SVEP1: variants seen among roughly 807,000 people sequenced by gnomAD.
SVEP1 encodes the protein sushi, von Willebrand factor type A, EGF and pentraxin domain containing 1.
A neutral mutation model predicts 367.3 loss-of-function variants in SVEP1; 164 were observed. That is an observed-to-expected ratio of 0.45 (90% CI 0.39 to 0.51). The LOEUF (loss-of-function observed/expected upper bound fraction) is 0.51, where lower values mean the gene tolerates loss of function less well. Among genes scored for constraint, SVEP1 ranks in the 20% least tolerant of loss-of-function variants. SVEP1 has a pLI of 0.00. For missense variants in SVEP1, 4,117 were observed against 4,425.3 expected (o/e 0.93, Z 1.98); for synonymous variants, 1,666 against 1,611.6 (o/e 1.03, Z -0.81).
chr9:110,387,507 T>C lies in SVEP1; in HGVS notation c.9887-49A>G, dbSNP rs138268746. 718 of 1,490,154 alleles carry C rather than the reference T, an allele frequency of 4.8e-4. 3 individuals are homozygous for C. In the African/African-American group the frequency reaches 8.4e-3, roughly 18 times the overall value. The allele number at this position is 1,490,154 out of a possible 1,614,324, so 92.3% of individuals were successfully genotyped here. ...ATATTAATTGCTTCCCCAATTCCTC[T>C]TTCCTTCTTTTCCTATGATTGCCAA... On this transcript the variant is annotated intron_variant, in intron 41 of 47. Transcript: ENST00000374469.
intron 27 of SVEP1, among the ~76,000 whole-genome samples, chr9:110,439,989 A>C (rs955445356): frequency 6.6e-6 from 1 of 152,204 alleles, no homozygotes; most frequent in Non-Finnish European, 1.5e-5. Flanking sequence ...TACGTTCATT[A>C]TGAAAATAAC....
At chr9:110,474,090 T>G (rs1369498730) in intron 14 of SVEP1, among the ~76,000 whole-genome samples, 1 of 152,106 alleles carries the variant, frequency 6.6e-6, no homozygotes, top group Admixed American at 6.6e-5. Flanking sequence ...CACTTCCCCC[T>G]CCCGGGTTCA....
intron 40 of SVEP1, among the ~76,000 whole-genome samples, chr9:110,399,369 A>C (rs1348512440): frequency 6.6e-6 from 1 of 151,998 alleles, no homozygotes. Flanking sequence ...GGATAGCATT[A>C]GGAGATATAC....
intron 3 of SVEP1, among the ~76,000 whole-genome samples, chr9:110,545,844 G>A (rs1830213716): frequency 6.6e-6 from 1 of 152,138 alleles, no homozygotes; most frequent in Non-Finnish European, 1.5e-5. Context: ...ATAAAGGACA[G>A]CCTTGTTGTC....
At position 110,384,019 on chromosome 9, in the gene SVEP1, G is replaced by C. The variant is rs1827483431; in HGVS notation, c.10237+1879C>G. On this transcript the variant is annotated intron_variant, in intron 43 of 47. Transcript: ENST00000374469. Reference sequence around the variant, plus strand: ...ATGGTGGCCGCCTCTTCCCCCAGAAGCTCAGTCATCTTAGGCAGCAGGCAG... The same window carrying C: ...ATGGTGGCCGCCTCTTCCCCCAGAACCTCAGTCATCTTAGGCAGCAGGCAG... Among the ~76,000 whole-genome samples, 3 of 152,096 alleles carry C rather than the reference G, an allele frequency of 2.0e-5. No homozygotes were observed. The South Asian group carries it at 6.2e-4, about 32-fold the overall frequency.
intron 3 of SVEP1, among the ~76,000 whole-genome samples, chr9:110,533,738 A>C (rs1263607411): frequency 2.0e-5 from 3 of 152,222 alleles, no homozygotes; most frequent in African/African-American, 7.2e-5. Flanking sequence ...AGCTTGGGCT[A>C]TCATTTTCAA....
chr9:110,547,592 A>G (rs1478380575), intron 2 of SVEP1, among the ~76,000 whole-genome samples: 1 of 152,128 alleles, frequency 6.6e-6, no homozygotes, highest in Non-Finnish European at 1.5e-5. Context: ...GGGTGAGAAG[A>G]AAAGAAAAGA....
chr9:110,397,949 A>G (rs144299517), intron 40 of SVEP1, among the ~76,000 whole-genome samples: 4,445 of 150,924 alleles, frequency 0.029, 131 homozygotes, highest in Non-Finnish European at 0.038. Context: ...TGCCATCCCC[A>G]TCGAGCAACC....
chr9:110,517,824 C>T (rs1039385330), intron 3 of SVEP1, among the ~76,000 whole-genome samples: 26 of 120,094 alleles, frequency 2.2e-4, no homozygotes, highest in African/African-American at 7.3e-4. Context: ...ATTTCAAGAA[C>T]GAGAAAAAAA....
chr9:110,432,686 A>T (rs1828369367), intron 30 of SVEP1, 51 bp from the exon 31 acceptor site: 1 of 1,546,810 alleles, frequency 6.5e-7, no homozygotes, highest in South Asian at 1.3e-5. Context: ...AAATACTCCA[A>T]GAACACTTTA....
At chr9:110,495,941 A>G (rs777711747) in intron 8 of SVEP1, among the ~76,000 whole-genome samples, 1 of 152,202 alleles carries the variant, frequency 6.6e-6, no homozygotes, top group Non-Finnish European at 1.5e-5. Flanking sequence ...ATAAATAGCA[A>G]TTAGGATTGA....
rs1827302534 is a variant in SVEP1 at position 110,373,198 on chromosome 9, G to C, written c.10600+2170C>G. On this transcript the variant is annotated intron_variant, in intron 46 of 47. Coordinates refer to ENST00000374469, the MANE Select transcript of SVEP1 (RefSeq NM_153366.4). ...TTTATAGATGAGCAGGAGAAACGTG[G>C]GTAAATAGCAAAGTTGATTTGTTAT... Among the ~76,000 whole-genome samples the C allele has an allele frequency of 2.6e-5, 4 of 152,104 alleles. No homozygotes were observed. In the South Asian group the frequency reaches 8.3e-4, roughly 32 times the overall value.
intron 36 of SVEP1, among the ~76,000 whole-genome samples, chr9:110,413,664 G>C (rs12344614): frequency 0.17 from 25,029 of 151,614 alleles, 3,131 homozygotes; most frequent in East Asian, 0.37. Context: ...ATATAATGAT[G>C]GATTGATGAC....
intron 27 of SVEP1, among the ~76,000 whole-genome samples, chr9:110,437,981 C>T (rs1828456096): frequency 6.6e-6 from 1 of 151,910 alleles, no homozygotes; most frequent in South Asian, 2.1e-4. Flanking sequence ...ACTCCTCTTA[C>T]CTAGAAATAA....
intron 12 of SVEP1, among the ~76,000 whole-genome samples, chr9:110,480,767 G>A (rs1829173370): frequency 6.6e-6 from 1 of 151,786 alleles, no homozygotes; most frequent in African/African-American, 2.4e-5. Context: ...AAATAACTGG[G>A]ACCACAGGAG....
chr9:110,557,868 G>C (rs1830374154), intron 1 of SVEP1, among the ~76,000 whole-genome samples: 1 of 152,108 alleles, frequency 6.6e-6, no homozygotes, highest in African/African-American at 2.4e-5. Flanking sequence ...GGATGGCCTA[G>C]ATCACCAATC....
intron 40 of SVEP1, among the ~76,000 whole-genome samples, chr9:110,398,328 C>T (rs1827801676): frequency 2.6e-5 from 4 of 152,048 alleles, no homozygotes; most frequent in African/African-American, 7.2e-5. Flanking sequence ...TTACACCTTA[C>T]ACAAAAAATT....
chr9:110,515,104 G>T (rs979213298), intron 3 of SVEP1, among the ~76,000 whole-genome samples: 1 of 152,112 alleles, frequency 6.6e-6, no homozygotes, highest in African/African-American at 2.4e-5. Flanking sequence ...ATGTAGCTTT[G>T]AATTTGTAAC....
At chr9:110,405,285 C>G (rs987903886) in intron 38 of SVEP1, among the ~76,000 whole-genome samples, 2 of 151,624 alleles carry the variant, frequency 1.3e-5, no homozygotes, top group Non-Finnish European at 2.9e-5. Flanking sequence ...GACTCAGATA[C>G]TAGTAGGAAT....
Sources: gnomAD v4.1 joint callset for allele counts (sites outside exome capture counted in the v4.1 genomes callset) on GRCh38, gnomAD v4.1.1 for gene constraint, MANE v1.5 for transcripts, NCBI Gene and HGNC (gene_info 2026-07-23, HGNC 2026-07-21) for gene names.